C2CD3: variants seen among roughly 807,000 people sequenced by gnomAD.
C2CD3 encodes C2 domain-containing protein 3.
In C2CD3, 148 loss-of-function variants were observed where a neutral mutation model predicts 234.0. That is an observed-to-expected ratio of 0.63 (90% CI 0.55 to 0.72). C2CD3 has a LOEUF of 0.72. Ranked by LOEUF, C2CD3 falls within the 30% of genes least tolerant of loss-of-function variation. C2CD3 has a pLI of 0.00. For missense variants in C2CD3, 2,577 were observed against 2,811.5 expected (o/e 0.92, Z 1.89); for synonymous variants, 1,000 against 1,035.4 (o/e 0.97, Z 0.66).
intron 24 of C2CD3, among the ~76,000 whole-genome samples, chr11:74,070,119 G>A (rs1185172399): frequency 1.3e-5 from 2 of 152,132 alleles, no homozygotes; most frequent in Non-Finnish European, 2.9e-5. Context: ...TTCCTTATTT[G>A]TCTCATTTGT....
At chr11:74,018,155 A>G (rs1726768) in intron 32 of C2CD3, among the ~76,000 whole-genome samples, 11,861 of 152,198 alleles carry the variant, frequency 0.078, 1,432 homozygotes, top group African/African-American at 0.26. Context: ...GCTGGGTTCA[A>G]ATAAAATTCA....
rs1249912632 is a variant in C2CD3, at chr11:74,109,170, C to A, written c.1844-18G>T. 3 of 1,363,812 alleles carry A rather than the reference C, an allele frequency of 2.2e-6. No individual in the cohort carries two copies. The highest frequency in any genetic ancestry group is 3.0e-6 in the Non-Finnish European group (3 of 987,962). The allele number at this position is 1,363,812 out of a possible 1,614,324, so 84.5% of individuals were successfully genotyped here. On this transcript the variant is annotated intron_variant, in intron 11 of 32. Coordinates refer to ENST00000334126, the MANE Select transcript of C2CD3 (RefSeq NM_001286577.2). ...CTTCACCTCTGTAAGGAGAACCAGA[C>A]ACACAGACATGTCACACCACCCAAC... is the stretch of plus-strand genomic sequence containing the variant.
intron 3 of C2CD3, among the ~76,000 whole-genome samples, chr11:74,160,070 A>G (rs1285627957): frequency 6.6e-6 from 1 of 152,222 alleles, no homozygotes; most frequent in East Asian, 1.9e-4. Context: ...TATTCAGTAT[A>G]GTAACATGCT....
At chr11:74,022,080 C>T (rs575222698) in intron 32 of C2CD3, among the ~76,000 whole-genome samples, 193 of 151,788 alleles carry the variant, frequency 1.3e-3, no homozygotes, top group Non-Finnish European at 2.2e-3. Flanking sequence ...GAGCTGAGAT[C>T]GCACCACCAC....
chr11:74,051,360 G>A (rs1486813689), intron 26 of C2CD3, among the ~76,000 whole-genome samples: 3 of 152,054 alleles, frequency 2.0e-5, no homozygotes, highest in Non-Finnish European at 4.4e-5. Flanking sequence ...AACACTTGAA[G>A]CTGTATTCCC....
chr11:74,046,491 G>A lies in C2CD3; in HGVS notation c.5495+1714C>T, dbSNP rs1312524794. 2.6e-5 allele frequency among the ~76,000 whole-genome samples: 4 copies of A among 152,134 alleles called. No individual in the cohort carries two copies. The East Asian group carries it at 7.7e-4, about 29-fold the overall frequency. ...CCTGAGTAGCTAGGACTACAGGCAG[G>A]CAAATTTTTAATTTTTTTGTGGAGA... On this transcript the variant is annotated intron_variant, in intron 28 of 32. Coordinates refer to ENST00000334126, the MANE Select transcript of C2CD3 (RefSeq NM_001286577.2).
At chr11:74,083,987 T>C (rs898251703) in intron 22 of C2CD3, among the ~76,000 whole-genome samples, 2 of 152,158 alleles carry the variant, frequency 1.3e-5, no homozygotes, top group East Asian at 1.9e-4. Context: ...TAAAGACACA[T>C]GCATATGTAT....
At chr11:74,150,513 A>AC (rs1855546397) in intron 3 of C2CD3, among the ~76,000 whole-genome samples, 8 of 67,778 alleles carry the variant, frequency 1.2e-4, no homozygotes, top group South Asian at 5.1e-4. Context: ...AAAAAAAAAA[A>AC]AACAAAAAAA....
At chr11:74,170,676 T>G (rs1857127769) in intron 1 of C2CD3, 62 bp downstream of exon 1, 1 of 1,597,990 alleles carries the variant, frequency 6.3e-7, no homozygotes, top group African/African-American at 1.3e-5. Context: ...CGGGTCTCCC[T>G]AAAATTCCTT....
intron 32 of C2CD3, among the ~76,000 whole-genome samples, chr11:74,017,856 T>C (rs1348582605): frequency 6.6e-6 from 1 of 152,212 alleles, no homozygotes; most frequent in Non-Finnish European, 1.5e-5. Flanking sequence ...GCCACTGTGT[T>C]CTAGGTTCTC....
At chr11:74,157,892 T>A (rs771832267) in intron 3 of C2CD3, among the ~76,000 whole-genome samples, 13 of 152,178 alleles carry the variant, frequency 8.5e-5, no homozygotes, top group Admixed American at 3.9e-4. Flanking sequence ...CCATCTCTTA[T>A]CTCTGTATAT....
intron 2 of C2CD3, among the ~76,000 whole-genome samples, chr11:74,164,507 C>A (rs1182773834): frequency 6.6e-6 from 1 of 152,076 alleles, no homozygotes; most frequent in African/African-American, 2.4e-5. Flanking sequence ...CCAGGGTAAC[C>A]TTGGGTTAGT....
At chr11:74,037,363 A>G (rs1952794577) in intron 30 of C2CD3, 115 bp downstream of exon 30, 1 of 825,094 alleles carries the variant, frequency 1.2e-6, no homozygotes, top group Admixed American at 2.2e-5. Flanking sequence ...GAAGAGGGTG[A>G]AAACAATTGG....
chr11:74,026,528 T>C (rs1237742781), intron 32 of C2CD3, among the ~76,000 whole-genome samples: 1 of 152,166 alleles, frequency 6.6e-6, no homozygotes, highest in Non-Finnish European at 1.5e-5. Flanking sequence ...CTGACCCCAT[T>C]TTTCATTAAT....
At chr11:74,143,247 T>A (rs1854926979) in intron 3 of C2CD3, among the ~76,000 whole-genome samples, 1 of 152,184 alleles carries the variant, frequency 6.6e-6, no homozygotes, top group Non-Finnish European at 1.5e-5. Flanking sequence ...ATCTACTATA[T>A]CTACAACATG....
At position 74,109,106 on chromosome 11, in the gene C2CD3, G is replaced by A. The variant is rs1460250320; in HGVS notation, c.1890C>T (p.Gly630=). The part of the protein sequence containing the change: ...QRFVFPVQFG[G]PMIEHWWNSN... ...AATTCCACCAGTGCTCTATCATTGG[G>A]CCACCAAACTGTACTGGAAACACAA... Residue 630 remains glycine, a synonymous_variant, in exon 12 of 33, where the codon GGC becomes GGT. Transcript: ENST00000334126. 15 of 1,600,434 alleles carry A rather than the reference G, an allele frequency of 9.4e-6. No homozygotes were observed. Among genetic ancestry groups the A allele is most frequent in the Non-Finnish European group, 1.2e-5 (14 of 1,174,784 alleles).
chr11:74,168,316 C>T, intron 2 of C2CD3, 28 bp downstream of exon 2: 1 of 1,584,850 alleles, frequency 6.3e-7, no homozygotes. Context: ...ATTACGTCTG[C>T]AGGTGCAATG....
chr11:74,034,186 G>A lies in C2CD3; in HGVS notation c.5974C>T (p.Gln1992Ter). The A allele has an allele frequency of 6.5e-7, 1 of 1,536,192 alleles. No individual in the cohort carries two copies. Among genetic ancestry groups the A allele is most frequent in the Non-Finnish European group, 8.7e-7 (1 of 1,146,914 alleles). The change falls in exon 31 of 33, where the codon CAG becomes TAG. Residue 1992 changes from glutamine (Q) to a stop codon, truncating the protein, a stop_gained. Coordinates refer to ENST00000334126, the MANE Select transcript of C2CD3 (RefSeq NM_001286577.2). LOFTEE classifies it high-confidence loss of function. ...SNKATTLPDA[Q>*]DTEALQERCT... Reference sequence around the variant, plus strand: ...CGTTCTTGCAGTGCTTCTGTGTCCTGAGCATCTGGGAGGGTGGTGGCCTTG... The same window carrying A: ...CGTTCTTGCAGTGCTTCTGTGTCCTAAGCATCTGGGAGGGTGGTGGCCTTG...
At chr11:74,138,648 T>C in intron 5 of C2CD3, 72 bp downstream of exon 5, 2 of 1,226,622 alleles carry the variant, frequency 1.6e-6, no homozygotes, top group South Asian at 2.7e-5. Flanking sequence ...GTTCTCTTTG[T>C]AGGCTGGCTA....
Sources: allele counts gnomAD v4.1 joint callset (sites outside exome capture counted in the v4.1 genomes callset), GRCh38; gene constraint gnomAD v4.1.1; transcripts MANE v1.5; gene names NCBI Gene and HGNC (gene_info 2026-07-23, HGNC 2026-07-21).